The following TAFA2 variants were observed in gnomAD, a reference collection of about 807,000 sequenced individuals.
The protein encoded by TAFA2 is chemokine-like protein TAFA-2.
In TAFA2, 7 loss-of-function variants were observed where a neutral mutation model predicts 18.8. That is an observed-to-expected ratio of 0.37 (90% CI 0.21 to 0.70). The LOEUF is 0.70. TAFA2 is among the 30% of genes least tolerant of loss of function. The probability of loss-of-function intolerance (pLI) is 0.53; values close to 1 mark genes in which losing one functional copy is unlikely to be tolerated. For synonymous variants in TAFA2, 60 were observed against 54.2 expected (o/e 1.11, Z -0.47); for missense variants, 122 against 158.1 (o/e 0.77, Z 1.23).
At chr12:61,799,732 G>A (rs1871331845) in intron 2 of TAFA2, among the ~76,000 whole-genome samples, 1 of 152,180 alleles carries the variant, frequency 6.6e-6, no homozygotes, top group African/African-American at 2.4e-5. Context: ...TGAGGCAGAA[G>A]AATGGCATGA....
chr12:62,228,607 T>C (rs2062798263), intron 1 of TAFA2, among the ~76,000 whole-genome samples: 1 of 152,246 alleles, frequency 6.6e-6, no homozygotes, highest in Non-Finnish European at 1.5e-5. Context: ...TATCTCACTG[T>C]AGTTTTGATT....
chr12:62,062,041 G>T (rs565771968), intron 1 of TAFA2, among the ~76,000 whole-genome samples: 6 of 152,202 alleles, frequency 3.9e-5, no homozygotes, highest in Non-Finnish European at 8.8e-5. Flanking sequence ...AGGTGCAATG[G>T]TGCACGCCTG....
At chr12:61,987,191 T>C (rs146123903) in intron 1 of TAFA2, among the ~76,000 whole-genome samples, 5 of 152,356 alleles carry the variant, frequency 3.3e-5, no homozygotes, top group African/African-American at 1.2e-4. Context: ...CTTAAGATTC[T>C]TGTTAGTGCA....
At chr12:61,787,065 T>C (rs541832107) in intron 2 of TAFA2, among the ~76,000 whole-genome samples, 1 of 151,178 alleles carries the variant, frequency 6.6e-6, no homozygotes, top group East Asian at 2.0e-4. Context: ...TTAAAAGAGA[T>C]GAAAAGATTA....
At chr12:61,899,407 A>T (rs914460701) in intron 1 of TAFA2, among the ~76,000 whole-genome samples, 1 of 152,184 alleles carries the variant, frequency 6.6e-6, no homozygotes, top group Non-Finnish European at 1.5e-5. Flanking sequence ...AGGTTAATTG[A>T]CTTATAGTTC....
At chr12:61,880,634 T>C (rs1875085926) in intron 1 of TAFA2, 1 of 384,662 alleles carries the variant, frequency 2.6e-6, no homozygotes, top group Non-Finnish European at 5.1e-6. Context: ...TCCTCAGCTA[T>C]GGCCTGAGCT....
chr12:61,865,713 GTC>G (rs1304151712), intron 2 of TAFA2, among the ~76,000 whole-genome samples: 1 of 152,216 alleles, frequency 6.6e-6, no homozygotes, highest in Non-Finnish European at 1.5e-5. Flanking sequence ...AGTGTGAGCA[GTC>G]TTTATGAGTG....
intron 1 of TAFA2, among the ~76,000 whole-genome samples, chr12:61,871,101 GAA>G (rs1277883152): frequency 6.6e-6 from 1 of 152,084 alleles, no homozygotes; most frequent in African/African-American, 2.4e-5. Context: ...AACAGGAAGT[GAA>G]AAAGAGTCGG....
intron 1 of TAFA2, among the ~76,000 whole-genome samples, chr12:62,239,847 A>C (rs1592415478): frequency 6.6e-6 from 1 of 152,256 alleles, no homozygotes; most frequent in East Asian, 1.9e-4. Context: ...GTCCCCACTG[A>C]GCCCTTTTCA....
At chr12:62,002,715 C>T (rs1203143068) in intron 1 of TAFA2, among the ~76,000 whole-genome samples, 1 of 152,154 alleles carries the variant, frequency 6.6e-6, no homozygotes, top group Non-Finnish European at 1.5e-5. Flanking sequence ...ACTCTGGCCC[C>T]TTCCTGAATT....
chr12:62,161,502 A>G (rs1343743215), intron 1 of TAFA2, among the ~76,000 whole-genome samples: 1 of 152,212 alleles, frequency 6.6e-6, no homozygotes, highest in East Asian at 1.9e-4. Context: ...AACAATGTGT[A>G]CACATGGACA....
intron 2 of TAFA2, among the ~76,000 whole-genome samples, chr12:61,782,528 T>C (rs1468125783): frequency 1.3e-5 from 2 of 151,668 alleles, no homozygotes; most frequent in Admixed American, 1.3e-4. Context: ...CCCCAAAATG[T>C]TTTTTACACA....
chr12:62,250,998 A>C (rs1307352470), intron 1 of TAFA2, among the ~76,000 whole-genome samples: 2 of 132,286 alleles, frequency 1.5e-5, no homozygotes, highest in Admixed American at 1.5e-4. Context: ...ATGAGTAGGA[A>C]ATATGCGTAT....
chr12:61,913,261 A>G (rs926743397), intron 1 of TAFA2, among the ~76,000 whole-genome samples: 8 of 152,144 alleles, frequency 5.3e-5, no homozygotes, highest in Non-Finnish European at 8.8e-5. Flanking sequence ...AAGAAAATTG[A>G]CCATAAAATG....
At chr12:62,145,912 TAGGATACC>T (rs2062277744) in intron 1 of TAFA2, among the ~76,000 whole-genome samples, 1 of 152,218 alleles carries the variant, frequency 6.6e-6, no homozygotes, top group African/African-American at 2.4e-5. Context: ...CCCCCTTGGG[TAGGATACC>T]AGGAAGGCAG....
chr12:61,917,081 T>C (rs1431213900), intron 1 of TAFA2, among the ~76,000 whole-genome samples: 1 of 152,138 alleles, frequency 6.6e-6, no homozygotes, highest in Non-Finnish European at 1.5e-5. Context: ...CATTTGAATA[T>C]ACAAGGATAG....
chr12:61,746,036 C>T (rs528601392), intron 4 of TAFA2, among the ~76,000 whole-genome samples: 1 of 151,656 alleles, frequency 6.6e-6, no homozygotes, highest in South Asian at 2.1e-4. Flanking sequence ...ATGATGGCTA[C>T]CTTGGTAATA....
intron 1 of TAFA2, among the ~76,000 whole-genome samples, chr12:62,005,174 G>A (rs1880505776): frequency 6.6e-6 from 1 of 152,066 alleles, no homozygotes; most frequent in East Asian, 1.9e-4. Flanking sequence ...GAAGAGTAGA[G>A]TTTAGGTGTT....
chr12:62,021,721 C>A lies in TAFA2; in HGVS notation c.-1-154295G>T. The A allele has an allele frequency of 2.7e-6, 4 of 1,505,026 alleles. No individual in the cohort carries two copies. In the South Asian group the frequency reaches 4.5e-5, roughly 17 times the overall value. 93.2% of individuals were successfully genotyped at this position (1,505,026 alleles called of 1,614,324 possible). On this transcript the variant is annotated intron_variant, in intron 1 of 4. Coordinates refer to ENST00000416284, the MANE Select transcript of TAFA2 (RefSeq NM_178539.5). ...TTAGGGCCAGTCTTACCAGTTGGGT[C>A]CCAAGGCAGCATGATCTTCACCTTG... is the stretch of plus-strand genomic sequence containing the variant.
Sources: allele counts gnomAD v4.1 joint callset (sites outside exome capture counted in the v4.1 genomes callset), GRCh38; gene constraint gnomAD v4.1.1; transcripts MANE v1.5; gene names NCBI Gene and HGNC (gene_info 2026-07-23, HGNC 2026-07-21).